The following GIPC2 variants were observed in gnomAD, a reference collection of about 807,000 sequenced individuals.
The protein encoded by GIPC2 is PDZ domain-containing protein GIPC2.
In GIPC2, 30 loss-of-function variants were observed where a neutral mutation model predicts 30.6. The ratio of observed to expected loss-of-function variants is 0.98; its 90% CI spans 0.73 to 1.33. The LOEUF is 1.33. Among genes scored for constraint, GIPC2 ranks in the 40% most tolerant of loss-of-function variants. The pLI is 0.00. For synonymous variants in GIPC2, 167 were observed against 150.0 expected, an observed-to-expected ratio of 1.11 and a Z score of -0.83; for missense variants, 414 against 390.3, an observed-to-expected ratio of 1.06 and a Z score of -0.51.
At chr1:78,122,364 G>C (rs1226434720) in intron 4 of GIPC2, among the ~76,000 whole-genome samples, 1 of 152,164 alleles carries the variant, frequency 6.6e-6, no homozygotes, top group African/African-American at 2.4e-5. Context: ...AATGGTGTAA[G>C]ATTCTCTGTA....
At chr1:78,130,011 G>A (rs922589014) in intron 5 of GIPC2, among the ~76,000 whole-genome samples, 3 of 151,252 alleles carry the variant, frequency 2.0e-5, no homozygotes, top group African/African-American at 7.3e-5. Context: ...TGCTTTTGGA[G>A]CAGATATGAA....
chr1:78,135,889 G>A lies in GIPC2; in HGVS notation c.*146G>A. 1.6e-6 allele frequency: 1 copy of A among 614,308 alleles called. No individual in the cohort carries two copies. 38.1% of individuals were successfully genotyped at this position (614,308 alleles called of 1,614,324 possible). On this transcript the variant is annotated 3_prime_UTR_variant, in exon 6 of 6. Coordinates refer to ENST00000370759, the MANE Select transcript of GIPC2 (RefSeq NM_017655.6). ...AATATATTCTTTGAAATATAATTTT[G>A]GTAATTTTGATTTCTGGGCACTTTT...
intron 1 of GIPC2, among the ~76,000 whole-genome samples, chr1:78,056,479 A>C (rs1328718536): frequency 2.6e-5 from 4 of 152,204 alleles, no homozygotes; most frequent in Non-Finnish European, 4.4e-5. Flanking sequence ...GTCTCAAAAA[A>C]ACAAAAGAAA....
At chr1:78,079,568 G>GGAGGAA (rs1661787729) in intron 1 of GIPC2, among the ~76,000 whole-genome samples, 1 of 152,168 alleles carries the variant, frequency 6.6e-6, no homozygotes, top group Non-Finnish European at 1.5e-5. Context: ...GATCCGGGAT[G>GGAGGAA]GAGGAAGAGG....
intron 3 of GIPC2, among the ~76,000 whole-genome samples, chr1:78,113,680 C>A (rs903708521): frequency 1.3e-5 from 2 of 152,162 alleles, no homozygotes; most frequent in African/African-American, 4.8e-5. Context: ...TGAGCCATGG[C>A]ACCCAGCCTA....
At chr1:78,114,448 C>T (rs1204519738) in intron 3 of GIPC2, among the ~76,000 whole-genome samples, 1 of 152,214 alleles carries the variant, frequency 6.6e-6, no homozygotes, top group African/African-American at 2.4e-5. Flanking sequence ...GACCATCCTG[C>T]TTGTTTTTGT....
chr1:78,076,314 A>G (rs1661716122), intron 1 of GIPC2, among the ~76,000 whole-genome samples: 1 of 152,222 alleles, frequency 6.6e-6, no homozygotes, highest in Admixed American at 6.5e-5. Context: ...CTGGCCCCAA[A>G]GGGCAATAGC....
At chr1:78,098,959 T>G (rs1662191149) in intron 3 of GIPC2, among the ~76,000 whole-genome samples, 1 of 152,180 alleles carries the variant, frequency 6.6e-6, no homozygotes, top group Non-Finnish European at 1.5e-5. Flanking sequence ...AGCCACCTAG[T>G]CTATGGTACT....
intron 2 of GIPC2, among the ~76,000 whole-genome samples, chr1:78,083,143 CAGGTCCAATTT>C (rs138367440): frequency 0.034 from 5,100 of 152,192 alleles, 186 homozygotes; most frequent in African/African-American, 0.099. Context: ...TCCCCTCATA[CAGGTCCAATTT>C]AGGATCCTGT....
chr1:78,111,549 CT>C (rs1309996035), intron 3 of GIPC2, among the ~76,000 whole-genome samples: 1 of 152,182 alleles, frequency 6.6e-6, no homozygotes, highest in Non-Finnish European at 1.5e-5. Flanking sequence ...TGACAGCTTT[CT>C]GAACATTTTA....
chr1:78,137,810 A>G lies in GIPC2; in HGVS notation c.*2067A>G, dbSNP rs1389903638. Reference sequence around the variant, plus strand: ...TATTCCCATACCTAAAATTGCATCTATTTGTGAGCTTTCTGCCTTTTTGTA... The same window carrying G: ...TATTCCCATACCTAAAATTGCATCTGTTTGTGAGCTTTCTGCCTTTTTGTA... On this transcript the variant is annotated 3_prime_UTR_variant, in exon 6 of 6. Coordinates refer to ENST00000370759, the MANE Select transcript of GIPC2 (RefSeq NM_017655.6). The G allele has an allele frequency of 3.9e-5, 6 of 152,096 alleles. No homozygotes were observed. Among genetic ancestry groups the G allele is most frequent in the Admixed American group, 6.6e-5 (1 of 15,266 alleles). 9.4% of individuals were successfully genotyped at this position (152,096 alleles called of 1,614,324 possible). A position where few individuals can be genotyped will look rare whatever the true frequency, so the allele number is the denominator to read the frequency against.
At chr1:78,130,121 T>TTTA (rs369892829) in intron 5 of GIPC2, among the ~76,000 whole-genome samples, 3 of 146,820 alleles carry the variant, frequency 2.0e-5, no homozygotes, top group East Asian at 2.1e-4. Context: ...TTTTTTTTTT[T>TTTA]CAGACAGAGT....
chr1:78,070,984 T>G (rs1297169882), intron 1 of GIPC2, among the ~76,000 whole-genome samples: 1 of 152,184 alleles, frequency 6.6e-6, no homozygotes, highest in Non-Finnish European at 1.5e-5. Context: ...TTATACAATA[T>G]ACTCATGAAG....
intron 3 of GIPC2, among the ~76,000 whole-genome samples, chr1:78,105,970 T>A (rs1294684396): frequency 1.3e-5 from 2 of 152,092 alleles, no homozygotes; most frequent in East Asian, 3.9e-4. Flanking sequence ...GCGCGGTGGC[T>A]CATGCTTGTA....
chr1:78,101,805 CT>C (rs907653764), intron 3 of GIPC2, among the ~76,000 whole-genome samples: 8 of 152,162 alleles, frequency 5.3e-5, no homozygotes, highest in African/African-American at 1.9e-4. Flanking sequence ...AGGAGCATGG[CT>C]TTACAATGAG....
intron 2 of GIPC2, among the ~76,000 whole-genome samples, chr1:78,093,379 TG>T (rs1478644406): frequency 6.6e-6 from 1 of 151,970 alleles, no homozygotes; most frequent in East Asian, 1.9e-4. Flanking sequence ...ATGAAACTTC[TG>T]GTATCTTTGT....
chr1:78,076,970 A>G (rs1571490602), intron 1 of GIPC2, among the ~76,000 whole-genome samples: 2 of 151,330 alleles, frequency 1.3e-5, no homozygotes, highest in East Asian at 3.9e-4. Context: ...GGTTTTCACC[A>G]TGTTGGCCAG....
chr1:78,050,046 G>A (rs939464156), intron 1 of GIPC2, among the ~76,000 whole-genome samples: 21 of 151,922 alleles, frequency 1.4e-4, no homozygotes, highest in South Asian at 2.1e-4. Context: ...ACAGGCACAC[G>A]CCATCATGCC....
Position 78,080,958 on chromosome 1 carries a change from C to T in GIPC2, c.426+98C>T, listed in dbSNP as rs982788639. On this transcript the variant is annotated intron_variant, in intron 2 of 5. Transcript: ENST00000370759. ...TTAGAAATGATCTTCAGAGTGAGAG[C>T]CCGCTCAGCAAGGATGCATGAATTG... 1.5e-5 allele frequency: 9 copies of T among 592,586 alleles called. No individual in the cohort carries two copies. The Admixed American group carries it at 2.5e-4, about 17-fold the overall frequency. The allele number at this position is 592,586 out of a possible 1,614,324, so 36.7% of individuals were successfully genotyped here. A position where few individuals can be genotyped will look rare whatever the true frequency, so the allele number is the denominator to read the frequency against.
Sources: allele counts gnomAD v4.1 joint callset (sites outside exome capture counted in the v4.1 genomes callset), GRCh38; gene constraint gnomAD v4.1.1; transcripts MANE v1.5; gene names NCBI Gene and HGNC (gene_info 2026-07-23, HGNC 2026-07-21).